ELF5: variants seen among roughly 807,000 people sequenced by gnomAD.
ELF5 encodes the protein ETS-related transcription factor Elf-5.
Under a neutral mutation model 38.2 loss-of-function variants are expected in ELF5, and 31 were observed. The ratio of observed to expected loss-of-function variants is 0.81; its 90% CI spans 0.61 to 1.10. The LOEUF (loss-of-function observed/expected upper bound fraction) is 1.10. ELF5 is among the 50% of genes least tolerant of loss of function. The probability of loss-of-function intolerance (pLI) is 0.00; values close to 1 mark genes in which losing one functional copy is unlikely to be tolerated. For synonymous variants in ELF5, 121 were observed against 112.5 expected (o/e 1.08, Z -0.48); for missense variants, 300 against 306.6 (o/e 0.98, Z 0.16).
At chr11:34,504,627 A>G (rs1340791233) in intron 2 of ELF5, among the ~76,000 whole-genome samples, 2 of 152,124 alleles carry the variant, frequency 1.3e-5, no homozygotes, top group Admixed American at 1.3e-4. Context: ...TGGGGTTAAC[A>G]CTCAGTGAGG....
intron 2 of ELF5, among the ~76,000 whole-genome samples, chr11:34,498,964 G>A (rs928968554): frequency 2.0e-5 from 3 of 152,016 alleles, no homozygotes; most frequent in Non-Finnish European, 4.4e-5. Context: ...GGTGGTGCAC[G>A]CCTGTAATCC....
chr11:34,481,136 C>A (rs940343329), intron 5 of ELF5, among the ~76,000 whole-genome samples, 169 bp from the exon 6 acceptor site: 2 of 152,046 alleles, frequency 1.3e-5, no homozygotes, highest in African/African-American at 4.8e-5. Flanking sequence ...GATTCTTCTG[C>A]CTCAGCCTCC....
intron 1 of ELF5, chr11:34,511,538 A>C: frequency 6.2e-7 from 1 of 1,614,230 alleles, no homozygotes; most frequent in South Asian, 1.1e-5. Context: ...AGTTGGCTGC[A>C]GGTACCTGTG....
chr11:34,501,596 C>T (rs3758735), intron 2 of ELF5, among the ~76,000 whole-genome samples: 20,023 of 152,062 alleles, frequency 0.13, 1,467 homozygotes, highest in Admixed American at 0.21. Flanking sequence ...AACTCTCCCG[C>T]CCACTTGGAT....
intron 2 of ELF5, among the ~76,000 whole-genome samples, chr11:34,502,164 C>G (rs1320321169): frequency 1.3e-5 from 2 of 152,226 alleles, no homozygotes; most frequent in Non-Finnish European, 2.9e-5. Flanking sequence ...CTCCCCAACT[C>G]CAGGAGGCAG....
rs1359823444 is a variant in ELF5 at position 34,505,713 on chromosome 11, T to A, written c.37A>T (p.Asn13Tyr). 1 of 1,613,946 alleles carries A rather than the reference T, an allele frequency of 6.2e-7. No individual in the cohort carries two copies. The highest frequency in any genetic ancestry group is 1.7e-5 in the Admixed American group (1 of 60,006). The change falls in exon 2 of 7, where the codon AAT becomes TAT. Residue 13 changes from asparagine to tyrosine, a missense_variant. Transcript: ENST00000257832. ...DSVTHSTFLPNASFCDPLMSW... is the reference protein window; with the variant it reads ...DSVTHSTFLPYASFCDPLMSW... ...ATCAGGGGATCGCAGAAGGATGCAT[T>A]AGGCAGGAAGGTGCTGTGTGTCACC...
chr11:34,495,440 G>A (rs1216272292), intron 2 of ELF5, among the ~76,000 whole-genome samples: 2 of 152,100 alleles, frequency 1.3e-5, no homozygotes, highest in African/African-American at 4.8e-5. Context: ...TCAGCCAGCC[G>A]AGGCGCTACG....
At chr11:34,498,408 A>C in intron 2 of ELF5, among the ~76,000 whole-genome samples, 1 of 151,686 alleles carries the variant, frequency 6.6e-6, no homozygotes, top group East Asian at 1.9e-4. Context: ...CCTTCGGTTT[A>C]TTTTCTTCAT....
intron 2 of ELF5, among the ~76,000 whole-genome samples, chr11:34,504,911 A>G (rs1850569990): frequency 6.6e-6 from 1 of 152,060 alleles, no homozygotes; most frequent in Non-Finnish European, 1.5e-5. Context: ...GCTCATATTT[A>G]CTGAACACTT....
intron 4 of ELF5, among the ~76,000 whole-genome samples, chr11:34,486,940 T>A (rs1202605091): frequency 6.6e-6 from 1 of 152,190 alleles, no homozygotes; most frequent in Non-Finnish European, 1.5e-5. Context: ...AAAGGCAGCC[T>A]CTCATTTTTG....
chr11:34,493,326 A>C (rs1475543864), intron 3 of ELF5, 153 bp downstream of exon 3: 1 of 734,960 alleles, frequency 1.4e-6, no homozygotes, highest in Non-Finnish European at 2.3e-6. Context: ...CAATTCTGGC[A>C]TACTAGCTTC....
At chr11:34,490,758 G>A (rs934964032) in intron 3 of ELF5, among the ~76,000 whole-genome samples, 6 of 152,160 alleles carry the variant, frequency 3.9e-5, no homozygotes, top group Non-Finnish European at 8.8e-5. Context: ...GGTCCAACAC[G>A]AGGACTAATC....
intron 1 of ELF5, among the ~76,000 whole-genome samples, chr11:34,512,706 G>A (rs1850792922): frequency 6.6e-6 from 1 of 151,976 alleles, no homozygotes. Context: ...TTGCCACTCT[G>A]GTGACTTCTG....
chr11:34,480,988 TTAAC>T (rs748327931), intron 5 of ELF5, 21 bp from the exon 6 acceptor site: 12 of 1,541,564 alleles, frequency 7.8e-6, no homozygotes, highest in South Asian at 5.0e-5. Context: ...GGGGAAAACA[TTAAC>T]TATTTACCAT....
chr11:34,511,640 C>T, intron 1 of ELF5: 2 of 1,597,388 alleles, frequency 1.3e-6, no homozygotes, highest in Non-Finnish European at 1.7e-6. Flanking sequence ...ACACCAAATG[C>T]ACACAGAGAG....
chr11:34,502,505 G>C (rs1850497734), intron 2 of ELF5, among the ~76,000 whole-genome samples: 1 of 152,188 alleles, frequency 6.6e-6, no homozygotes, highest in South Asian at 2.1e-4. Context: ...AAGACAGAAG[G>C]CCCCTCCTGC....
intron 1 of ELF5, among the ~76,000 whole-genome samples, chr11:34,509,339 C>G: frequency 6.6e-6 from 1 of 152,092 alleles, no homozygotes; most frequent in East Asian, 1.9e-4. Context: ...AAAACAACAA[C>G]AACAACAACA....
chr11:34,479,280 T>C lies in ELF5; in HGVS notation c.*938A>G, dbSNP rs1315838441. 1 of 152,426 alleles carries C rather than the reference T, an allele frequency of 6.6e-6. No homozygotes were observed. The allele number at this position is 152,426 out of a possible 1,614,324, so 9.4% of individuals were successfully genotyped here. On this transcript the variant is annotated 3_prime_UTR_variant, in exon 7 of 7. Coordinates refer to ENST00000257832, the MANE Select transcript of ELF5 (RefSeq NM_001422.4). Reference sequence around the variant, plus strand: ...ATGGAATCAATGAATTTCGATTTTATTGTGTTGACAGCTTGAATCACAGAA... The same window carrying C: ...ATGGAATCAATGAATTTCGATTTTACTGTGTTGACAGCTTGAATCACAGAA...
chr11:34,480,373 A>T, intron 6 of ELF5, 59 bp from the exon 7 acceptor site: 1 of 1,300,788 alleles, frequency 7.7e-7, no homozygotes, highest in Middle Eastern at 1.8e-4. Flanking sequence ...AAAACAACAG[A>T]ACACAAACAC....
Sources: allele counts gnomAD v4.1 joint callset (sites outside exome capture counted in the v4.1 genomes callset), GRCh38; gene constraint gnomAD v4.1.1; transcripts MANE v1.5; gene names NCBI Gene and HGNC (gene_info 2026-07-23, HGNC 2026-07-21).